The following KCTD8 variants were observed in gnomAD, a reference collection of about 807,000 sequenced individuals.
KCTD8 encodes the protein BTB/POZ domain-containing protein KCTD8.
KCTD8 carries 27 observed loss-of-function variants against 31.5 expected under a neutral mutation model. That is an observed-to-expected ratio of 0.86 (90% CI 0.63 to 1.18). KCTD8 has a LOEUF of 1.18. KCTD8 is among the 50% of genes most tolerant of loss of function. The pLI is 0.00. For synonymous variants in KCTD8, 290 were observed against 280.0 expected (o/e 1.04, Z -0.36); for missense variants, 658 against 647.7 (o/e 1.02, Z -0.17).
intron 1 of KCTD8, among the ~76,000 whole-genome samples, chr4:44,348,868 T>C (rs957966747): frequency 3.4e-5 from 5 of 148,776 alleles, no homozygotes; most frequent in African/African-American, 9.7e-5. Context: ...ATTGAAACTC[T>C]CCCCTGTCAG....
At chr4:44,235,247 C>A (rs1715242137) in intron 1 of KCTD8, among the ~76,000 whole-genome samples, 1 of 146,842 alleles carries the variant, frequency 6.8e-6, no homozygotes, top group Admixed American at 6.8e-5. Context: ...ACTTTTTATA[C>A]ATGAGAAACT....
chr4:44,443,683 C>T (rs1560456296), intron 1 of KCTD8, among the ~76,000 whole-genome samples: 1 of 152,122 alleles, frequency 6.6e-6, no homozygotes, highest in Non-Finnish European at 1.5e-5. Context: ...ACTGCTCAAC[C>T]AAAATATGGA....
At chr4:44,310,011 A>G (rs1577607946) in intron 1 of KCTD8, among the ~76,000 whole-genome samples, 1 of 152,256 alleles carries the variant, frequency 6.6e-6, no homozygotes, top group East Asian at 1.9e-4. Context: ...GATCCTTAAA[A>G]GAGAAAAACT....
intron 1 of KCTD8, among the ~76,000 whole-genome samples, chr4:44,179,815 T>C (rs536575703): frequency 3.3e-4 from 51 of 152,248 alleles, no homozygotes; most frequent in Non-Finnish European, 4.9e-4. Flanking sequence ...TAGATTTAAA[T>C]TGGGACTAAG....
At chr4:44,339,463 G>T (rs1030962976) in intron 1 of KCTD8, among the ~76,000 whole-genome samples, 3 of 151,982 alleles carry the variant, frequency 2.0e-5, no homozygotes, top group Admixed American at 2.0e-4. Flanking sequence ...AAACAGGGTC[G>T]ATTCAAATGA....
chr4:44,259,408 A>T (rs1716097932), intron 1 of KCTD8, among the ~76,000 whole-genome samples: 1 of 151,918 alleles, frequency 6.6e-6, no homozygotes. Flanking sequence ...AAGTTTCTGT[A>T]ATACTTCCCC....
At chr4:44,408,342 C>T (rs998177277) in intron 1 of KCTD8, among the ~76,000 whole-genome samples, 6 of 152,076 alleles carry the variant, frequency 3.9e-5, no homozygotes, top group Non-Finnish European at 5.9e-5. Flanking sequence ...CAAATGATCG[C>T]TATTTATTAA....
chr4:44,259,950 T>C (rs1333891160), intron 1 of KCTD8, among the ~76,000 whole-genome samples: 1 of 151,918 alleles, frequency 6.6e-6, no homozygotes, highest in African/African-American at 2.4e-5. Context: ...TGTTCAATTA[T>C]ATATCATAGG....
intron 1 of KCTD8, among the ~76,000 whole-genome samples, chr4:44,360,318 C>T (rs959387900): frequency 3.9e-5 from 6 of 151,938 alleles, no homozygotes; most frequent in African/African-American, 1.4e-4. Context: ...TAAGAAAAGC[C>T]TTGCTCCCTG....
At chr4:44,402,779 A>G (rs937602846) in intron 1 of KCTD8, among the ~76,000 whole-genome samples, 9 of 152,210 alleles carry the variant, frequency 5.9e-5, no homozygotes, top group African/African-American at 1.9e-4. Flanking sequence ...GAATCTGGCT[A>G]AGGAGAAGCT....
chr4:44,269,602 T>C (rs1189767151), intron 1 of KCTD8, among the ~76,000 whole-genome samples: 13 of 151,732 alleles, frequency 8.6e-5, no homozygotes, highest in Non-Finnish European at 2.9e-5. Flanking sequence ...AGTGAACAGG[T>C]AACCTACAAA....
intron 1 of KCTD8, among the ~76,000 whole-genome samples, chr4:44,404,588 G>A (rs997829289): frequency 1.4e-4 from 21 of 152,210 alleles, no homozygotes; most frequent in African/African-American, 5.1e-4. Flanking sequence ...GGGTATGATA[G>A]AAGTTTTGCC....
intron 1 of KCTD8, among the ~76,000 whole-genome samples, chr4:44,351,639 T>C (rs1719197645): frequency 6.6e-6 from 1 of 152,118 alleles, no homozygotes; most frequent in Non-Finnish European, 1.5e-5. Flanking sequence ...AAGGTTCACA[T>C]TCTCTAACAA....
At chr4:44,300,967 T>C (rs1407173069) in intron 1 of KCTD8, among the ~76,000 whole-genome samples, 3 of 139,638 alleles carry the variant, frequency 2.1e-5, no homozygotes, top group Non-Finnish European at 4.7e-5. Flanking sequence ...ACATGCGGTG[T>C]TTGGTTTTTT....
rs143679522 is a variant in KCTD8, at chr4:44,300,627, T to C, written c.962-125377A>G. Among the ~76,000 whole-genome samples, 30 of 152,308 alleles carry C rather than the reference T, an allele frequency of 2.0e-4. No individual in the cohort carries two copies. The East Asian group carries it at 3.3e-3, about 17-fold the overall frequency. On this transcript the variant is annotated intron_variant, in intron 1 of 1. Coordinates refer to ENST00000360029, the MANE Select transcript of KCTD8 (RefSeq NM_198353.3). Reference sequence around the variant, plus strand: ...ATTGCAACAAGAGAATGTACTGTTATATGCAATAACTAGAAAAATAAACTT... The same window carrying C: ...ATTGCAACAAGAGAATGTACTGTTACATGCAATAACTAGAAAAATAAACTT...
At chr4:44,266,965 G>A (rs1716392115) in intron 1 of KCTD8, among the ~76,000 whole-genome samples, 1 of 151,970 alleles carries the variant, frequency 6.6e-6, no homozygotes, top group Non-Finnish European at 1.5e-5. Context: ...ACACCCCACT[G>A]TCAACATTAG....
chr4:44,445,800 G>A (rs535774056), intron 1 of KCTD8, among the ~76,000 whole-genome samples: 1 of 152,142 alleles, frequency 6.6e-6, no homozygotes, highest in African/African-American at 2.4e-5. Context: ...TGAAATGTTT[G>A]GAAATCTACA....
chr4:44,211,293 A>G (rs1341248621), intron 1 of KCTD8, among the ~76,000 whole-genome samples: 2 of 152,146 alleles, frequency 1.3e-5, no homozygotes, highest in Non-Finnish European at 2.9e-5. Flanking sequence ...ATACATCTAC[A>G]TATTTCATAA....
chr4:44,181,537 T>C (rs564809922), intron 1 of KCTD8, among the ~76,000 whole-genome samples: 1 of 152,200 alleles, frequency 6.6e-6, no homozygotes, highest in Non-Finnish European at 1.5e-5. Flanking sequence ...CGGAGTCTCC[T>C]TCACTCAGTG....
Sources: allele counts gnomAD v4.1 joint callset (sites outside exome capture counted in the v4.1 genomes callset), GRCh38; gene constraint gnomAD v4.1.1; transcripts MANE v1.5; gene names NCBI Gene and HGNC (gene_info 2026-07-23, HGNC 2026-07-21).